DNAH6: variants seen among roughly 807,000 people sequenced by gnomAD.
DNAH6 encodes the protein axonemal beta dynein heavy chain 6.
In DNAH6, 340 loss-of-function variants were observed where a neutral mutation model predicts 491.4. That is an observed-to-expected ratio of 0.69 (90% confidence interval 0.63 to 0.76). The LOEUF (loss-of-function observed/expected upper bound fraction) is 0.76, where lower values mean the gene tolerates loss of function less well. Ranked by LOEUF, DNAH6 falls within the 30% of genes least tolerant of loss-of-function variation. The pLI, the probability that DNAH6 is intolerant of heterozygous loss-of-function variation, is 0.00. For missense variants in DNAH6, 4,443 were observed against 4,972.2 expected (o/e 0.89, Z 3.20); for synonymous variants, 1,603 against 1,686.1 (o/e 0.95, Z 1.21).
chr2:84,725,950 C>A (rs1698582612), intron 60 of DNAH6, among the ~76,000 whole-genome samples: 1 of 152,176 alleles, frequency 6.6e-6, no homozygotes, highest in African/African-American at 2.4e-5. Flanking sequence ...CCTTTGTCAA[C>A]AAAACTTTCA....
At chr2:84,750,296 C>G (rs542806452) in intron 63 of DNAH6, among the ~76,000 whole-genome samples, 1 of 151,164 alleles carries the variant, frequency 6.6e-6, no homozygotes, top group East Asian at 2.0e-4. Flanking sequence ...GATCCTCCCA[C>G]TTCAGCCTCC....
At chr2:84,475,008 G>A in the DNAH6 span, among the ~76,000 whole-genome samples, 1 of 152,188 alleles carries the variant, frequency 6.6e-6, no homozygotes, top group Non-Finnish European at 1.5e-5. Flanking sequence ...AGCAACAACT[G>A]AGCAATTCTT....
chr2:84,551,757 G>T (rs1679390715), intron 9 of DNAH6, among the ~76,000 whole-genome samples: 1 of 152,158 alleles, frequency 6.6e-6, no homozygotes, highest in African/African-American at 2.4e-5. Flanking sequence ...GTTTAAGAAT[G>T]AGCATTTAGG....
At chr2:84,488,515 C>A in the DNAH6 span, among the ~76,000 whole-genome samples, 1 of 151,956 alleles carries the variant, frequency 6.6e-6, no homozygotes, top group Non-Finnish European at 1.5e-5. Flanking sequence ...TTTATTTTTT[C>A]CAATTTCTAG....
the DNAH6 span, among the ~76,000 whole-genome samples, chr2:84,497,608 T>A: frequency 1.3e-5 from 2 of 152,228 alleles, no homozygotes; most frequent in African/African-American, 4.8e-5. Flanking sequence ...TTTAAGCCAT[T>A]GAACTGCCGT....
At chr2:84,524,347 A>T (rs1676418752) in intron 2 of DNAH6, among the ~76,000 whole-genome samples, 1 of 151,792 alleles carries the variant, frequency 6.6e-6, no homozygotes, top group East Asian at 1.9e-4. Flanking sequence ...GTGTTACTGC[A>T]TGTGAGATGG....
intron 33 of DNAH6, among the ~76,000 whole-genome samples, chr2:84,648,997 G>A (rs895425072): frequency 1.9e-4 from 29 of 152,140 alleles, no homozygotes; most frequent in African/African-American, 7.0e-4. Flanking sequence ...CCAGCCTTCA[G>A]CAACTACCAC....
intron 32 of DNAH6, among the ~76,000 whole-genome samples, 193 bp downstream of exon 32, chr2:84,640,771 A>C (rs940581134): frequency 6.6e-6 from 1 of 152,184 alleles, no homozygotes; most frequent in East Asian, 1.9e-4. Flanking sequence ...ACAGTTCTTC[A>C]CTGTGAGTCC....
At chr2:84,770,693 A>G (rs1675518810) in intron 64 of DNAH6, among the ~76,000 whole-genome samples, 1 of 152,130 alleles carries the variant, frequency 6.6e-6, no homozygotes, top group Admixed American at 6.5e-5. Flanking sequence ...AAAAATACAA[A>G]CAGAACCTGC....
intron 64 of DNAH6, chr2:84,777,617 A>T: frequency 1.2e-6 from 1 of 804,060 alleles, no homozygotes; most frequent in Non-Finnish European, 2.3e-6. Context: ...CAGAGTCTTC[A>T]GGGAGACATC....
intron 13 of DNAH6, among the ~76,000 whole-genome samples, chr2:84,578,351 T>C (rs1399038859): frequency 6.6e-6 from 1 of 152,318 alleles, no homozygotes; most frequent in Middle Eastern, 3.4e-3. Flanking sequence ...AGCTACTGTA[T>C]GCTCAAGAAA....
intron 32 of DNAH6, among the ~76,000 whole-genome samples, chr2:84,640,838 C>T (rs1267586763): frequency 6.6e-6 from 1 of 152,206 alleles, no homozygotes; most frequent in Non-Finnish European, 1.5e-5. Flanking sequence ...ATAATATTCA[C>T]TTCTCCTGAA....
chr2:84,715,812 G>T (rs745524485), intron 58 of DNAH6, among the ~76,000 whole-genome samples, 185 bp downstream of exon 58: 1 of 152,080 alleles, frequency 6.6e-6, no homozygotes, highest in Non-Finnish European at 1.5e-5. Context: ...CAGAGCAGCT[G>T]ATCTTGTCTA....
upstream of DNAH6, among the ~76,000 whole-genome samples, chr2:84,512,535 A>G (rs1359185369): frequency 6.6e-6 from 1 of 152,166 alleles, no homozygotes; most frequent in Non-Finnish European, 1.5e-5. Flanking sequence ...TAATTTTCCA[A>G]CATATGAACT....
At chr2:84,617,847 G>A (rs1312582143) in intron 23 of DNAH6, among the ~76,000 whole-genome samples, 1 of 151,982 alleles carries the variant, frequency 6.6e-6, no homozygotes, top group Non-Finnish European at 1.5e-5. Flanking sequence ...ACCCTTTCTC[G>A]TGGGCATAGC....
intron 22 of DNAH6, among the ~76,000 whole-genome samples, chr2:84,615,978 A>G (rs750929043): frequency 1.3e-4 from 19 of 151,766 alleles, no homozygotes; most frequent in Non-Finnish European, 1.6e-4. Flanking sequence ...TTTAATTTCT[A>G]TGTATTTGTA....
intron 31 of DNAH6, among the ~76,000 whole-genome samples, chr2:84,637,682 G>C (rs778614994): frequency 6.6e-6 from 1 of 152,088 alleles, no homozygotes; most frequent in Non-Finnish European, 1.5e-5. Flanking sequence ...AAAATGTCTG[G>C]ATTCATTACA....
At chr2:84,643,298 T>G (rs1342876347) in intron 33 of DNAH6, among the ~76,000 whole-genome samples, 1 of 151,958 alleles carries the variant, frequency 6.6e-6, no homozygotes, top group Admixed American at 6.5e-5. Flanking sequence ...TATTTCTATA[T>G]TTTTTCTTTA....
At chr2:84,645,312 G>A (rs1262990577) in intron 33 of DNAH6, among the ~76,000 whole-genome samples, 8 of 152,184 alleles carry the variant, frequency 5.3e-5, no homozygotes. Flanking sequence ...CCAGCTACTT[G>A]GGAGGCTGAG....
Sources: allele counts gnomAD v4.1 joint callset (sites outside exome capture counted in the v4.1 genomes callset), GRCh38; gene constraint gnomAD v4.1.1; transcripts MANE v1.5; gene names NCBI Gene and HGNC (gene_info 2026-07-23, HGNC 2026-07-21).